MSI2: variants seen among roughly 807,000 people sequenced by gnomAD.
MSI2 encodes musashi RNA binding protein 2, also known as RNA-binding protein Musashi homolog 2.
MSI2 carries 17 observed loss-of-function variants against 45.6 expected under a neutral mutation model. That is an observed-to-expected ratio of 0.37 (90% CI 0.26 to 0.56). The LOEUF is 0.56. Ranked by LOEUF, MSI2 falls within the 20% of genes least tolerant of loss-of-function variation. The pLI, the probability that MSI2 is intolerant of heterozygous loss-of-function variation, is 0.77. For synonymous variants in MSI2, 156 were observed against 158.2 expected (o/e 0.99, Z 0.11); for missense variants, 293 against 444.2 (o/e 0.66, Z 3.06).
intron 5 of MSI2, among the ~76,000 whole-genome samples, chr17:57,281,453 A>G (rs1345110532): frequency 6.6e-6 from 1 of 152,146 alleles, no homozygotes; most frequent in South Asian, 2.1e-4. Flanking sequence ...TATCTTTGCA[A>G]TCCAAACGTT....
intron 7 of MSI2, among the ~76,000 whole-genome samples, chr17:57,541,297 G>A (rs1013619931): frequency 3.3e-5 from 5 of 152,218 alleles, no homozygotes; most frequent in African/African-American, 4.8e-5. Context: ...CAACTCCAGC[G>A]ACACAAACCA....
At chr17:57,541,567 A>G (rs557290807) in intron 7 of MSI2, among the ~76,000 whole-genome samples, 1 of 152,348 alleles carries the variant, frequency 6.6e-6, no homozygotes, top group East Asian at 1.9e-4. Context: ...TCTTTCAGGC[A>G]GGAACATTTG....
chr17:57,266,497 G>C (rs1907785367), intron 5 of MSI2: 1 of 152,216 alleles, frequency 6.6e-6, no homozygotes, highest in Non-Finnish European at 1.5e-5. Context: ...GACTAGCTGG[G>C]ATTACAGGCA....
intron 9 of MSI2, among the ~76,000 whole-genome samples, chr17:57,625,364 C>T (rs974848624): frequency 2.6e-5 from 4 of 152,306 alleles, no homozygotes; most frequent in Admixed American, 6.5e-5. Context: ...AAGTGAGGGA[C>T]GGTGGAGCCC....
intron 8 of MSI2, among the ~76,000 whole-genome samples, chr17:57,603,907 A>G (rs1166867429): frequency 1.3e-5 from 2 of 152,230 alleles, no homozygotes. Flanking sequence ...AGCCAGTTTC[A>G]CTATTGAGCA....
At chr17:57,453,908 A>C (rs1351799927) in intron 6 of MSI2, among the ~76,000 whole-genome samples, 1 of 152,216 alleles carries the variant, frequency 6.6e-6, no homozygotes. Context: ...CCAGGATCCA[A>C]ACTGCCTGAC....
chr17:57,479,776 C>G (rs2085612113), intron 6 of MSI2, among the ~76,000 whole-genome samples: 1 of 152,188 alleles, frequency 6.6e-6, no homozygotes, highest in South Asian at 2.1e-4. Flanking sequence ...CTGAGACCTA[C>G]TGTGGGCTAG....
At chr17:57,569,898 G>A (rs1454832311) in intron 7 of MSI2, among the ~76,000 whole-genome samples, 1 of 152,138 alleles carries the variant, frequency 6.6e-6, no homozygotes, top group Non-Finnish European at 1.5e-5. Flanking sequence ...GTAGCAGGAG[G>A]CCACTCCCTG....
chr17:57,394,437 C>A (rs1462633419), intron 5 of MSI2, among the ~76,000 whole-genome samples: 1 of 152,112 alleles, frequency 6.6e-6, no homozygotes. Flanking sequence ...CAGGCCTGGC[C>A]CACAGATGAT....
intron 6 of MSI2, among the ~76,000 whole-genome samples, chr17:57,435,206 A>G (rs759741812): frequency 6.6e-6 from 1 of 152,168 alleles, no homozygotes; most frequent in Non-Finnish European, 1.5e-5. Flanking sequence ...TTTTGAAGCT[A>G]AGCCCTGAAT....
At chr17:57,296,509 A>G (rs1910971609) in intron 5 of MSI2, among the ~76,000 whole-genome samples, 1 of 152,186 alleles carries the variant, frequency 6.6e-6, no homozygotes, top group African/African-American at 2.4e-5. Context: ...CGTGTCAAAG[A>G]TTGCTTTCTT....
intron 6 of MSI2, among the ~76,000 whole-genome samples, chr17:57,478,039 C>T (rs1481755280): frequency 2.0e-5 from 3 of 152,228 alleles, no homozygotes; most frequent in African/African-American, 7.2e-5. Flanking sequence ...AGCACAGAGC[C>T]TCTGCCCGGC....
chr17:57,511,274 G>A (rs924714136), intron 6 of MSI2, among the ~76,000 whole-genome samples: 25 of 152,204 alleles, frequency 1.6e-4, no homozygotes, highest in African/African-American at 5.8e-4. Context: ...AGACGTCAGG[G>A]TGGAACAAAG....
At position 57,266,264 on chromosome 17, in the gene MSI2, G is replaced by A. The variant is rs544619705; in HGVS notation, c.312+4072G>A. 3 of 152,322 alleles carry A rather than the reference G, an allele frequency of 2.0e-5. No homozygotes were observed. The South Asian group carries it at 6.2e-4, about 32-fold the overall frequency. The allele number at this position is 152,322 out of a possible 1,614,324, so 9.4% of individuals were successfully genotyped here. On this transcript the variant is annotated intron_variant, in intron 5 of 13. Coordinates refer to ENST00000284073, the MANE Select transcript of MSI2 (RefSeq NM_138962.4). ...TTATAGTACTCACTGCCTGCAGTTA[G>A]TTGTTTGGAGGATAAATGCAAAATT...
intron 5 of MSI2, among the ~76,000 whole-genome samples, chr17:57,390,605 G>A (rs184563475): frequency 6.6e-6 from 1 of 152,350 alleles, no homozygotes; most frequent in East Asian, 1.9e-4. Context: ...AAGGGTTGAG[G>A]CTGCCATTTG....
intron 8 of MSI2, among the ~76,000 whole-genome samples, chr17:57,606,517 A>G (rs1466540833): frequency 6.6e-6 from 1 of 152,110 alleles, no homozygotes; most frequent in Non-Finnish European, 1.5e-5. Context: ...AGATCTGGGC[A>G]GGGTGGGGGC....
intron 5 of MSI2, among the ~76,000 whole-genome samples, chr17:57,346,972 A>C (rs573294250): frequency 1.2e-4 from 18 of 152,162 alleles, no homozygotes; most frequent in Non-Finnish European, 2.9e-5. Flanking sequence ...CTAAACATAT[A>C]TATGTTTGTG....
At chr17:57,271,998 T>C (rs1908419872) in intron 5 of MSI2, among the ~76,000 whole-genome samples, 2 of 152,038 alleles carry the variant, frequency 1.3e-5, no homozygotes, top group African/African-American at 4.8e-5. Flanking sequence ...AAAGACCTAG[T>C]GTAGCAAAAT....
At chr17:57,654,284 A>G (rs1156736578) in intron 11 of MSI2, among the ~76,000 whole-genome samples, 2 of 152,254 alleles carry the variant, frequency 1.3e-5, no homozygotes, top group Non-Finnish European at 2.9e-5. Flanking sequence ...CTAGGCAGGA[A>G]GACACTTGCC....
Sources: allele counts gnomAD v4.1 joint callset (sites outside exome capture counted in the v4.1 genomes callset), GRCh38; gene constraint gnomAD v4.1.1; transcripts MANE v1.5; gene names NCBI Gene and HGNC (gene_info 2026-07-23, HGNC 2026-07-21).